CLIC5: variants seen among roughly 807,000 people sequenced by gnomAD.
CLIC5 encodes the protein chloride intracellular channel protein 5.
In CLIC5, 20 loss-of-function variants were observed where a neutral mutation model predicts 24.7. The observed-to-expected ratio is 0.81, with a 90% confidence interval of 0.57 to 1.18. The LOEUF is 1.18. Among genes scored for constraint, CLIC5 ranks in the 50% most tolerant of loss-of-function variants. CLIC5 has a pLI of 0.00. For synonymous variants in CLIC5, 159 were observed against 135.6 expected (o/e 1.17, Z -1.20); for missense variants, 341 against 326.1 (o/e 1.05, Z -0.35).
intron 1 of CLIC5, among the ~76,000 whole-genome samples, chr6:45,989,783 G>C (rs1765866987): frequency 6.6e-6 from 1 of 152,136 alleles, no homozygotes. Flanking sequence ...TTTAGAATAG[G>C]AGGCAATAGT....
At chr6:46,044,431 T>G (rs1239107766) in intron 1 of CLIC5, among the ~76,000 whole-genome samples, 1 of 152,166 alleles carries the variant, frequency 6.6e-6, no homozygotes, top group African/African-American at 2.4e-5. Context: ...AGATTTTACC[T>G]GTATCATCAC....
chr6:45,889,857 T>C (rs558663789), intron 6 of CLIC5, among the ~76,000 whole-genome samples: 5 of 152,222 alleles, frequency 3.3e-5, no homozygotes, highest in Non-Finnish European at 5.9e-5. Flanking sequence ...TGCAGCATTA[T>C]TTCAACAGCA....
chr6:45,946,511 A>G lies in CLIC5; in HGVS notation c.299+2745T>C, dbSNP rs779098518. Among the ~76,000 whole-genome samples the G allele has an allele frequency of 2.6e-5, 4 of 152,336 alleles. No individual in the cohort carries two copies. In the South Asian group the frequency reaches 8.3e-4, roughly 32 times the overall value. On this transcript the variant is annotated intron_variant, in intron 3 of 5. Transcript: ENST00000339561. ...TGTTGGCTTTTGGCAGCTTTTACAA[A>G]TAGTGGTATGATGAGAAACACATGG...
At chr6:45,883,595 G>T (rs1269748228) in intron 6 of CLIC5, among the ~76,000 whole-genome samples, 1 of 152,172 alleles carries the variant, frequency 6.6e-6, no homozygotes, top group Non-Finnish European at 1.5e-5. Context: ...GTACTGTGCT[G>T]GTTGCTGGGC....
chr6:45,975,534 G>A (rs1457587494), intron 1 of CLIC5, among the ~76,000 whole-genome samples: 3 of 152,266 alleles, frequency 2.0e-5, no homozygotes, highest in East Asian at 3.9e-4. Context: ...AACCAGTGGT[G>A]CCCTCAGATT....
intron 1 of CLIC5, among the ~76,000 whole-genome samples, chr6:46,074,070 C>T (rs1387607297): frequency 6.6e-6 from 1 of 152,072 alleles, no homozygotes; most frequent in Admixed American, 6.6e-5. Flanking sequence ...GGAAGGAAAG[C>T]CTACAAATCA....
Position 45,946,603 on chromosome 6 carries a change from G to C in CLIC5, c.299+2653C>G, listed in dbSNP as rs917366202. ...CCCTAGAGAACCAGAAGGCCAGGCTGTCCTGCTCCAGAGGCCTGACAACCT... is the reference window on the plus strand; with the variant it reads ...CCCTAGAGAACCAGAAGGCCAGGCTCTCCTGCTCCAGAGGCCTGACAACCT... On this transcript the variant is annotated intron_variant, in intron 3 of 5. Coordinates refer to ENST00000339561, the MANE Select transcript of CLIC5 (RefSeq NM_016929.5). Among the ~76,000 whole-genome samples the C allele has an allele frequency of 7.0e-4, 107 of 152,326 alleles. 1 individual carries two copies. Among genetic ancestry groups the C allele is most frequent in the African/African-American group, 2.2e-3 (92 of 41,582 alleles).
At chr6:45,994,847 T>C (rs1259825074) in intron 1 of CLIC5, among the ~76,000 whole-genome samples, 1 of 152,134 alleles carries the variant, frequency 6.6e-6, no homozygotes, top group African/African-American at 2.4e-5. Context: ...TTATGTCTGC[T>C]CTTGCCCTCA....
At position 45,903,236 on chromosome 6, in the gene CLIC5, C is replaced by T. The variant is rs764896698; in HGVS notation, c.608G>A (p.Arg203His). ...CATCTCAGCCGGGATATCATAGTTG[C>T]GGTATTTCTTGGCCACAATCTAAAA... ...HVVKIVAKKYRNYDIPAEMTG... is the reference protein window; with the variant it reads ...HVVKIVAKKYHNYDIPAEMTG... Residue 203 changes from arginine to histidine, a missense_variant, in exon 6 of 6, where the codon CGC (arginine) becomes CAC (histidine). Arg to His is a conservative substitution (Grantham distance 29). Coordinates refer to ENST00000339561, the MANE Select transcript of CLIC5 (RefSeq NM_016929.5). The T allele has an allele frequency of 1.3e-5, 21 of 1,598,166 alleles. No homozygotes were observed. The highest frequency in any genetic ancestry group is 7.9e-5 in the South Asian group (7 of 88,232).
At chr6:46,118,808 A>AT in the CLIC5 span, among the ~76,000 whole-genome samples, 1 of 152,344 alleles carries the variant, frequency 6.6e-6, no homozygotes, top group South Asian at 2.1e-4. Context: ...AGATGTCTAC[A>AT]TCCTAATCCC....
At chr6:45,914,821 C>T (rs370484718) in intron 4 of CLIC5, among the ~76,000 whole-genome samples, 17 of 146,326 alleles carry the variant, frequency 1.2e-4, no homozygotes, top group East Asian at 1.0e-3. Flanking sequence ...CATGGTGGCA[C>T]GCGCCTGTAG....
chr6:45,981,871 G>A (rs1263835678), intron 1 of CLIC5, among the ~76,000 whole-genome samples: 1 of 152,066 alleles, frequency 6.6e-6, no homozygotes, highest in African/African-American at 2.4e-5. Context: ...GATGGCAGGT[G>A]CCTGTAATCC....
chr6:45,950,285 C>G (rs549529959), intron 2 of CLIC5, among the ~76,000 whole-genome samples: 2 of 152,070 alleles, frequency 1.3e-5, no homozygotes, highest in African/African-American at 4.8e-5. Context: ...TTTGATTCAG[C>G]TACAGTGGCT....
At chr6:45,935,134 G>A (rs1001524662) in intron 4 of CLIC5, among the ~76,000 whole-genome samples, 7 of 152,246 alleles carry the variant, frequency 4.6e-5, no homozygotes, top group African/African-American at 1.7e-4. Flanking sequence ...GGCAGATTGA[G>A]GGTAAGAAAT....
chr6:45,909,939 T>C (rs1762770825), intron 5 of CLIC5, among the ~76,000 whole-genome samples: 1 of 152,176 alleles, frequency 6.6e-6, no homozygotes, highest in African/African-American at 2.4e-5. Flanking sequence ...GTGCTGGTAA[T>C]ATGCAGAGTT....
At chr6:45,923,988 A>T (rs1254316247) in intron 4 of CLIC5, among the ~76,000 whole-genome samples, 1 of 152,158 alleles carries the variant, frequency 6.6e-6, no homozygotes, top group East Asian at 1.9e-4. Flanking sequence ...TAATTGAGTC[A>T]TCACCTGCAG....
chr6:46,119,189 T>G, the CLIC5 span, among the ~76,000 whole-genome samples: 37 of 152,236 alleles, frequency 2.4e-4, no homozygotes, highest in African/African-American at 7.5e-4. Context: ...CCACTAAGTT[T>G]GTGGTAGAGC....
chr6:45,987,965 A>T (rs74735138), intron 1 of CLIC5, among the ~76,000 whole-genome samples: 4,846 of 152,290 alleles, frequency 0.032, 116 homozygotes, highest in Middle Eastern at 0.058. Flanking sequence ...TCTCACATGC[A>T]ATATGCATTT....
chr6:45,902,190 C>T lies in CLIC5; in HGVS notation c.*898G>A, dbSNP rs1169426576. Reference sequence around the variant, plus strand: ...TGTCTTCACCCATCTCTCCTCCTCCCACTCCCATCCACTTTCTCATAGCTC... The same window carrying T: ...TGTCTTCACCCATCTCTCCTCCTCCTACTCCCATCCACTTTCTCATAGCTC... On this transcript the variant is annotated 3_prime_UTR_variant, in exon 6 of 6. Transcript: ENST00000339561. 2 of 152,786 alleles carry T rather than the reference C, an allele frequency of 1.3e-5. No homozygotes were observed. The highest frequency in any genetic ancestry group is 2.4e-5 in the African/African-American group (1 of 41,432). 9.5% of individuals were successfully genotyped at this position (152,786 alleles called of 1,614,324 possible). A position where few individuals can be genotyped will look rare whatever the true frequency, so the allele number is the denominator to read the frequency against.
Sources: allele counts gnomAD v4.1 joint callset (sites outside exome capture counted in the v4.1 genomes callset), GRCh38; gene constraint gnomAD v4.1.1; transcripts MANE v1.5; gene names NCBI Gene and HGNC (gene_info 2026-07-23, HGNC 2026-07-21).